TMPRSS4: variants seen among roughly 807,000 people sequenced by gnomAD.
The protein encoded by TMPRSS4 is transmembrane protease serine 4.
In TMPRSS4, 45 loss-of-function variants were observed where a neutral mutation model predicts 56.4. The observed-to-expected ratio is 0.80, with a 90% confidence interval of 0.63 to 1.02. The LOEUF (loss-of-function observed/expected upper bound fraction) is 1.02, where lower values mean the gene tolerates loss of function less well. TMPRSS4 is among the 50% of genes least tolerant of loss of function. The pLI, the probability that TMPRSS4 is intolerant of heterozygous loss-of-function variation, is 0.00. For missense variants in TMPRSS4, 546 were observed against 556.7 expected (o/e 0.98, Z 0.19); for synonymous variants, 205 against 211.0 (o/e 0.97, Z 0.25).
chr11:118,099,131 C>G (rs11608034), intron 3 of TMPRSS4, 33 bp downstream of exon 3: 1 of 1,583,050 alleles, frequency 6.3e-7, no homozygotes, highest in East Asian at 2.2e-5. Flanking sequence ...CTTTCACCCT[C>G]TAAGTAAATG....
intron 12 of TMPRSS4, 22 bp downstream of exon 12, chr11:118,117,476 C>T: frequency 1.2e-6 from 2 of 1,600,530 alleles, no homozygotes; most frequent in African/African-American, 1.3e-5. Context: ...TTGCCCTACC[C>T]ACTGTGCCTT....
intron 1 of TMPRSS4, among the ~76,000 whole-genome samples, chr11:118,091,910 G>A (rs1421209511): frequency 1.3e-5 from 2 of 152,128 alleles, no homozygotes; most frequent in African/African-American, 4.8e-5. Flanking sequence ...CCCTGGTGAT[G>A]GTGGAGGAGA....
chr11:118,097,042 G>GAAAGGAAAGGA (rs1255460905), intron 2 of TMPRSS4, among the ~76,000 whole-genome samples: 1 of 1,076 alleles, frequency 9.3e-4, no homozygotes, highest in African/African-American at 0.013. Flanking sequence ...GAAAAGGAAA[G>GAAAGGAAAGGA]AAAGGAAAGG....
chr11:118,118,044 G>A lies in TMPRSS4; in HGVS notation c.*131G>A. The A allele has an allele frequency of 6.4e-7, 1 of 1,553,528 alleles. No individual in the cohort carries two copies. Among genetic ancestry groups the A allele is most frequent in the Non-Finnish European group, 8.7e-7 (1 of 1,155,366 alleles). On this transcript the variant is annotated 3_prime_UTR_variant, in exon 13 of 13. Coordinates refer to ENST00000437212, the MANE Select transcript of TMPRSS4 (RefSeq NM_019894.4). ...TCTGCCCACAGCCTCAGCATTTCTT[G>A]GAGCAGCAAAGGGCCTCAATTCCTA...
chr11:118,111,397 G>A (rs897077743), intron 7 of TMPRSS4, among the ~76,000 whole-genome samples: 5 of 152,132 alleles, frequency 3.3e-5, no homozygotes, highest in East Asian at 1.9e-4. Context: ...CTGGGGACAC[G>A]CCACCTGGGC....
intron 3 of TMPRSS4, among the ~76,000 whole-genome samples, chr11:118,102,082 T>C (rs540397784): frequency 1.3e-5 from 2 of 152,284 alleles, no homozygotes; most frequent in Admixed American, 1.3e-4. Flanking sequence ...CATGGCGGTT[T>C]GCTGCACTGA....
intron 2 of TMPRSS4, 21 bp from the exon 3 acceptor site, chr11:118,098,964 C>G (rs375548953): frequency 1.3e-6 from 2 of 1,596,758 alleles, no homozygotes; most frequent in African/African-American, 2.7e-5. Context: ...CTCTTCCCCT[C>G]TGCCTCCCAT....
chr11:118,124,371 G>A (rs377763860), downstream of TMPRSS4, among the ~76,000 whole-genome samples: 1 of 151,952 alleles, frequency 6.6e-6, no homozygotes, highest in African/African-American at 2.4e-5. Flanking sequence ...GCAACAGAGC[G>A]AGACTCCATC....
intron 7 of TMPRSS4, 70 bp from the exon 8 acceptor site, chr11:118,111,671 G>A (rs1947283617): frequency 1.5e-6 from 2 of 1,349,200 alleles, no homozygotes; most frequent in Non-Finnish European, 9.9e-7. Context: ...GATTTTGGGT[G>A]CTGAGTGGAG....
chr11:118,112,379 C>CTTTTTTTTT lies in TMPRSS4; in HGVS notation c.743+502_743+510dup, dbSNP rs71469160. Among the ~76,000 whole-genome samples the CTTTTTTTTT allele has an allele frequency of 7.0e-4, 32 of 45,724 alleles. 3 individuals carry two copies. In the East Asian group the frequency reaches 7.2e-3, roughly 10 times the overall value. 30.0% of individuals were successfully genotyped at this position (45,724 alleles called of 152,430 possible). The stretch of plus-strand genomic sequence containing the variant: ...AAGGGCTACTCCCAGACCCCCTTCA[C>CTTTTTTTTT]TTTTTTTTTTTTTTTTTTTTTTTTT... On this transcript the variant is annotated intron_variant, in intron 8 of 12. Transcript: ENST00000437212.
At position 118,115,150 on chromosome 11, in the gene TMPRSS4, A is replaced by G. The variant is rs1027050691; in HGVS notation, c.1022A>G (p.Asp341Gly). ...TTTACCCTCCCAGGGAAGATGTCTGACATACTGCTGCAGGCGTCAGTCCAG... is the reference window on the plus strand; with the variant it reads ...TTTACCCTCCCAGGGAAGATGTCTGGCATACTGCTGCAGGCGTCAGTCCAG... ...FTKQNGGKMS[D>G]ILLQASVQVI... The change falls in exon 11 of 13, where the codon GAC (aspartate) becomes GGC (glycine). Residue 341 changes from aspartate to glycine, a missense_variant. Coordinates refer to ENST00000437212, the MANE Select transcript of TMPRSS4 (RefSeq NM_019894.4). 2 of 1,611,210 alleles carry G rather than the reference A, an allele frequency of 1.2e-6. No individual in the cohort carries two copies. The highest frequency in any genetic ancestry group is 1.7e-6 in the Non-Finnish European group (2 of 1,179,130).
intron 1 of TMPRSS4, among the ~76,000 whole-genome samples, chr11:118,081,613 T>C (rs1430539518): frequency 2.6e-5 from 4 of 152,208 alleles, no homozygotes; most frequent in Non-Finnish European, 5.9e-5. Context: ...TGCGCACCTG[T>C]CCAGGGGTGG....
intron 3 of TMPRSS4, among the ~76,000 whole-genome samples, chr11:118,101,313 C>G (rs1182532471): frequency 6.6e-6 from 1 of 152,070 alleles, no homozygotes; most frequent in African/African-American, 2.4e-5. Flanking sequence ...AAGCAGGGAC[C>G]ATTATTAGAT....
intron 2 of TMPRSS4, among the ~76,000 whole-genome samples, chr11:118,096,846 G>GGAAA (rs749979292): frequency 0.013 from 489 of 36,274 alleles, 62 homozygotes; most frequent in East Asian, 0.075. Context: ...AAGGAAAGAA[G>GGAAA]GAAAGAAAGA....
chr11:118,108,757 T>C (rs1947127179), intron 6 of TMPRSS4, 99 bp from the exon 7 acceptor site: 2 of 1,191,240 alleles, frequency 1.7e-6, no homozygotes, highest in African/African-American at 1.5e-5. Flanking sequence ...TCCCGAGGTA[T>C]TGGGAGGGGA....
In TMPRSS4 at chr11:118,118,161, C is replaced by G. The variant is rs1947662976; in HGVS notation, c.*248C>G. On this transcript the variant is annotated 3_prime_UTR_variant, in exon 13 of 13. Coordinates refer to ENST00000437212, the MANE Select transcript of TMPRSS4 (RefSeq NM_019894.4). ...GCTCCCAGCATCCCAGGGAGAGACA[C>G]AGCCCACTGAACAAGGTCTCAGGGG... 1 of 1,414,958 alleles carries G rather than the reference C, an allele frequency of 7.1e-7. No individual in the cohort carries two copies. Among genetic ancestry groups the G allele is most frequent in the Non-Finnish European group, 9.2e-7 (1 of 1,088,538 alleles). 87.7% of individuals were successfully genotyped at this position (1,414,958 alleles called of 1,614,324 possible). A position where few individuals can be genotyped will look rare whatever the true frequency, so the allele number is the denominator to read the frequency against.
chr11:118,079,127 C>T (rs539846778), intron 1 of TMPRSS4, among the ~76,000 whole-genome samples: 4 of 152,134 alleles, frequency 2.6e-5, no homozygotes, highest in African/African-American at 7.2e-5. Context: ...AAGGCAGCAG[C>T]ATGGCCAATC....
At chr11:118,088,579 C>T (rs1286243687) in intron 1 of TMPRSS4, among the ~76,000 whole-genome samples, 11 of 152,214 alleles carry the variant, frequency 7.2e-5, no homozygotes, top group Non-Finnish European at 4.4e-5. Context: ...GCTTCATTCC[C>T]GGATGAGCCC....
intron 1 of TMPRSS4, among the ~76,000 whole-genome samples, chr11:118,093,216 G>A (rs545333070): frequency 7.9e-5 from 12 of 152,278 alleles, no homozygotes; most frequent in African/African-American, 1.2e-4. Context: ...GTGCTTAGCC[G>A]TGGAGCAAGC....
Sources: allele counts gnomAD v4.1 joint callset (sites outside exome capture counted in the v4.1 genomes callset), GRCh38; gene constraint gnomAD v4.1.1; transcripts MANE v1.5; gene names NCBI Gene and HGNC (gene_info 2026-07-23, HGNC 2026-07-21).